RPTOR: variants seen among roughly 807,000 people sequenced by gnomAD.
RPTOR encodes the protein regulatory associated protein of MTOR complex 1.
RPTOR carries 21 observed loss-of-function variants against 169.9 expected under a neutral mutation model. That is an observed-to-expected ratio of 0.12 (90% CI 0.09 to 0.18). RPTOR has a LOEUF of 0.18. Ranked by LOEUF, RPTOR falls within the 10% of genes least tolerant of loss-of-function variation. RPTOR has a pLI of 1.00. For missense variants in RPTOR, 1,133 were observed against 1,855.9 expected (o/e 0.61, Z 7.16); for synonymous variants, 732 against 753.2 (o/e 0.97, Z 0.46).
intron 3 of RPTOR, among the ~76,000 whole-genome samples, chr17:80,686,496 C>A (rs1202906501): frequency 6.6e-6 from 1 of 151,956 alleles, no homozygotes; most frequent in Non-Finnish European, 1.5e-5. Context: ...TGCAGTTCTA[C>A]CCTCACGACA....
At chr17:80,962,699 G>A in intron 32 of RPTOR, 122 bp downstream of exon 32, 2 of 1,094,106 alleles carry the variant, frequency 1.8e-6, no homozygotes, top group Admixed American at 2.4e-5. Context: ...TTTCACTGCT[G>A]TGGGGACATA....
intron 10 of RPTOR, among the ~76,000 whole-genome samples, chr17:80,841,350 TCG>T (rs1256873510): frequency 8.2e-6 from 1 of 121,292 alleles, no homozygotes; most frequent in African/African-American, 3.5e-5. Flanking sequence ...GCACGGCAGC[TCG>T]CTCTCTCTGC....
chr17:80,630,223 T>A (rs2065431750), intron 2 of RPTOR, among the ~76,000 whole-genome samples: 1 of 152,244 alleles, frequency 6.6e-6, no homozygotes, highest in African/African-American at 2.4e-5. Flanking sequence ...TCCTTGCTTT[T>A]TTTGTGCTTT....
intron 11 of RPTOR, among the ~76,000 whole-genome samples, chr17:80,853,262 C>G (rs2063786): frequency 6.6e-6 from 1 of 152,040 alleles, no homozygotes; most frequent in East Asian, 1.9e-4. Context: ...ACTGGTAGCC[C>G]GTGCATCCTC....
intron 3 of RPTOR, among the ~76,000 whole-genome samples, chr17:80,706,127 A>G (rs2066140129): frequency 6.6e-6 from 1 of 152,230 alleles, no homozygotes; most frequent in African/African-American, 2.4e-5. Flanking sequence ...TTAAAAACAT[A>G]ATCCCCACCC....
chr17:80,594,284 G>A (rs578238737), intron 1 of RPTOR, among the ~76,000 whole-genome samples: 22 of 152,162 alleles, frequency 1.4e-4, no homozygotes, highest in African/African-American at 5.1e-4. Flanking sequence ...AGTAGAGATG[G>A]GGTTTCACCA....
rs61391154 is a variant in RPTOR at position 80,708,614 on chromosome 17, G to T, written c.507+615G>T. ...GTCCCCACCCTCCAGGGTGTGGTGG[G>T]TGCTGACTGTCTCCTCATCCTCCAG... On this transcript the variant is annotated intron_variant, in intron 4 of 33. Transcript: ENST00000306801. This position sits in a 1 kb window ranked among gnomAD's most constrained non-coding sequence, Gnocchi z 4.2. Among the ~76,000 whole-genome samples the T allele has an allele frequency of 0.32, 43,340 of 136,228 alleles. 8,024 individuals are homozygous for T. Among genetic ancestry groups the T allele is most frequent in the Admixed American group, 0.47 (6,869 of 14,498 alleles). 89.4% of individuals were successfully genotyped at this position (136,228 alleles called of 152,430 possible).
chr17:80,666,948 C>A (rs2065784843), intron 3 of RPTOR, among the ~76,000 whole-genome samples: 1 of 152,178 alleles, frequency 6.6e-6, no homozygotes, highest in Admixed American at 6.5e-5. Context: ...GCTTTATAGT[C>A]CAGCCAACAG....
intron 7 of RPTOR, chr17:80,805,534 C>T (rs1002125724): frequency 1.3e-5 from 2 of 152,192 alleles, no homozygotes; most frequent in Admixed American, 6.5e-5. Flanking sequence ...CATGTGACTC[C>T]TGCAGCTGCC....
At chr17:80,784,487 G>A (rs1301036439) in intron 6 of RPTOR, among the ~76,000 whole-genome samples, 1 of 151,944 alleles carries the variant, frequency 6.6e-6, no homozygotes, top group Non-Finnish European at 1.5e-5. Flanking sequence ...CGCCTTCTGG[G>A]TTCAAGCAAT....
rs1349305210 is a variant in RPTOR, at chr17:80,726,249, C to A, written c.508-4311C>A. ...GAATTTAAAGTCCTAGAGCAGAGAC[C>A]AACTGGGGCCATCCATGGCCCTGTG... On this transcript the variant is annotated intron_variant, in intron 4 of 33. Transcript: ENST00000306801. This position sits in a 1 kb window ranked among gnomAD's most constrained non-coding sequence, Gnocchi z 4.5. 6.6e-6 allele frequency among the ~76,000 whole-genome samples: 1 copy of A among 152,156 alleles called. No individual in the cohort carries two copies. The highest frequency in any genetic ancestry group is 1.5e-5 in the Non-Finnish European group (1 of 68,030).
intron 21 of RPTOR, among the ~76,000 whole-genome samples, chr17:80,911,667 C>T (rs373706726): frequency 2.0e-5 from 3 of 152,068 alleles, no homozygotes; most frequent in African/African-American, 4.8e-5. Flanking sequence ...CACTTGTGGT[C>T]GCAGCTACCC....
At chr17:80,922,863 G>A (rs1314254419) in intron 22 of RPTOR, 36 bp downstream of exon 22, 4 of 1,521,278 alleles carry the variant, frequency 2.6e-6, no homozygotes, top group Admixed American at 2.0e-5. Context: ...GGTCCGTGGT[G>A]GTGACCGGGG....
Position 80,962,968 on chromosome 17 carries a change from G to A in RPTOR, c.3850G>A (p.Gly1284Arg), listed in dbSNP as rs987417975. The A allele has an allele frequency of 1.2e-6, 2 of 1,613,662 alleles. No homozygotes were observed. The highest frequency in any genetic ancestry group is 1.7e-6 in the Non-Finnish European group (2 of 1,179,948). The change falls in exon 33 of 34, where the codon GGA becomes AGA. Residue 1284 changes from glycine (G) to arginine (R), a missense_variant. Gly to Arg is a moderately radical substitution (Grantham distance 125). Coordinates refer to ENST00000306801, the MANE Select transcript of RPTOR (RefSeq NM_020761.3). Reference protein sequence around the residue: ...NQFTAIYNSSGELINNIKYYD... With the variant: ...NQFTAIYNSSRELINNIKYYD... ...GTTCACCGCCATCTACAACAGCAGCGGAGAGCTCATCAACAACATCAAGTA... is the reference window on the plus strand; with the variant it reads ...GTTCACCGCCATCTACAACAGCAGCAGAGAGCTCATCAACAACATCAAGTA...
chr17:80,665,665 C>T lies in RPTOR; in HGVS notation c.348+21855C>T, dbSNP rs371479893. Among the ~76,000 whole-genome samples, 371 of 151,602 alleles carry T rather than the reference C, an allele frequency of 2.4e-3. 3 individuals carry two copies. Among genetic ancestry groups the T allele is most frequent in the African/African-American group, 8.6e-3 (357 of 41,296 alleles). ...GTTCACGCCATTCTCCTACCTCAGC[C>T]TCCCGAGTAGCTGGGACTACAGGCG... On this transcript the variant is annotated intron_variant, in intron 3 of 33. Transcript: ENST00000306801.
At chr17:80,702,485 C>A (rs1354885603) in intron 3 of RPTOR, among the ~76,000 whole-genome samples, 1 of 152,184 alleles carries the variant, frequency 6.6e-6, no homozygotes, top group Non-Finnish European at 1.5e-5. Flanking sequence ...GACCACACAG[C>A]TATTATCCCT....
rs1163872140 is a variant in RPTOR at position 80,869,624 on chromosome 17, C to T, written c.1510-10791C>T. ...TTGGGAGGAATTTGACTCTGGACTG[C>T]GTGTCAGGCAGCAGGATTGGGAGGA... On this transcript the variant is annotated intron_variant, in intron 13 of 33. Transcript: ENST00000306801. 1.3e-5 allele frequency among the ~76,000 whole-genome samples: 2 copies of T among 152,078 alleles called. 1 individual carries two copies. Among genetic ancestry groups the T allele is most frequent in the South Asian group, 4.1e-4 (2 of 4,826 alleles).
intron 5 of RPTOR, chr17:80,743,443 C>T: frequency 1.0e-6 from 1 of 985,512 alleles, no homozygotes; most frequent in Non-Finnish European, 1.2e-6. Flanking sequence ...AAAGGCATGT[C>T]AGTGACAGAG....
intron 24 of RPTOR, among the ~76,000 whole-genome samples, chr17:80,929,078 A>T (rs2068844905): frequency 6.6e-6 from 1 of 152,248 alleles, no homozygotes; most frequent in African/African-American, 2.4e-5. Context: ...TCATGATAAC[A>T]TGATTTGTAA....
Sources: allele counts gnomAD v4.1 joint callset (sites outside exome capture counted in the v4.1 genomes callset), GRCh38; gene constraint gnomAD v4.1.1; non-coding constraint Gnocchi (gnomAD v3.1); transcripts MANE v1.5; gene names NCBI Gene and HGNC (gene_info 2026-07-23, HGNC 2026-07-21).